THRAP3: variants seen among roughly 807,000 people sequenced by gnomAD.
The protein encoded by THRAP3 is thyroid hormone receptor associated protein 3.
In THRAP3, 16 loss-of-function variants were observed where a neutral mutation model predicts 101.0. The observed-to-expected ratio is 0.16, with a 90% CI of 0.11 to 0.24. The LOEUF (loss-of-function observed/expected upper bound fraction) is 0.24. THRAP3 is among the 10% of genes least tolerant of loss of function. The pLI is 1.00. For synonymous variants in THRAP3, 407 were observed against 422.6 expected (o/e 0.96, Z 0.45); for missense variants, 989 against 1,202.7 (o/e 0.82, Z 2.63).
At chr1:36,220,752 G>A (rs914368380), upstream of THRAP3, among the ~76,000 whole-genome samples, 17 of 151,816 alleles carry the variant, frequency 1.1e-4, no homozygotes, top group African/African-American at 2.9e-4. Context: ...TGAGGAGTTC[G>A]GAACCAGCCT....
chr1:36,227,977 G>A (rs149423458), intron 1 of THRAP3, among the ~76,000 whole-genome samples: 2,118 of 151,944 alleles, frequency 0.014, 52 homozygotes, highest in African/African-American at 0.047. Context: ...CTGGGTTCAA[G>A]CGATTCTCCT....
chr1:36,297,534 C>T (rs943789379), intron 9 of THRAP3, among the ~76,000 whole-genome samples: 2 of 151,026 alleles, frequency 1.3e-5, no homozygotes, highest in African/African-American at 2.4e-5. Context: ...CTGCAACCTC[C>T]GCCTCGCGGG....
At chr1:36,273,959 C>T (rs1170021290) in intron 2 of THRAP3, among the ~76,000 whole-genome samples, 1 of 151,586 alleles carries the variant, frequency 6.6e-6, no homozygotes, top group East Asian at 1.9e-4. Flanking sequence ...AGGAGAATTG[C>T]TTGAACCCAG....
upstream of THRAP3, among the ~76,000 whole-genome samples, chr1:36,220,741 G>C (rs1214404197): frequency 6.6e-5 from 10 of 151,494 alleles, no homozygotes; most frequent in Non-Finnish European, 7.4e-5. Context: ...ATCACCTGAG[G>C]TGAGGAGTTC....
chr1:36,248,606 G>A (rs1645260172), intron 1 of THRAP3, among the ~76,000 whole-genome samples: 1 of 151,702 alleles, frequency 6.6e-6, no homozygotes, highest in South Asian at 2.1e-4. Context: ...TTTTTGTAGA[G>A]ACAGTCTCAT....
At chr1:36,299,660 C>T (rs1646006477) in intron 9 of THRAP3, among the ~76,000 whole-genome samples, 1 of 151,774 alleles carries the variant, frequency 6.6e-6, no homozygotes, top group Admixed American at 6.6e-5. Flanking sequence ...AGATGCTTTC[C>T]ACCACACCCA....
intron 1 of THRAP3, among the ~76,000 whole-genome samples, chr1:36,238,628 G>T (rs773812303): frequency 1.6e-4 from 24 of 152,160 alleles, no homozygotes; most frequent in Non-Finnish European, 3.2e-4. Flanking sequence ...TGATCTCATT[G>T]AATGTAGCTA....
chr1:36,288,872 T>A (rs907285545), intron 4 of THRAP3, 188 bp from the exon 5 acceptor site: 5 of 985,268 alleles, frequency 5.1e-6, no homozygotes, highest in Non-Finnish European at 6.0e-6. Context: ...ATTGGCAAGT[T>A]CATAGAACTG....
intron 2 of THRAP3, among the ~76,000 whole-genome samples, chr1:36,271,117 AAC>A (rs1350716665): frequency 1.3e-5 from 2 of 152,168 alleles, no homozygotes; most frequent in Admixed American, 6.5e-5. Flanking sequence ...AATCACTGAT[AAC>A]AGTTTGCTGT....
intron 11 of THRAP3, among the ~76,000 whole-genome samples, 181 bp from the exon 12 acceptor site, chr1:36,303,615 C>T (rs940446817): frequency 6.6e-6 from 1 of 152,142 alleles, no homozygotes; most frequent in African/African-American, 2.4e-5. Context: ...CTGATATTCT[C>T]ATGGATCTGA....
At chr1:36,221,002 G>A (rs1234103518), upstream of THRAP3, among the ~76,000 whole-genome samples, 4 of 129,360 alleles carry the variant, frequency 3.1e-5, no homozygotes, top group African/African-American at 1.2e-4. Context: ...TATATATAGT[G>A]AGACCTCATC....
At chr1:36,300,702 C>T (rs1179273626) in intron 9 of THRAP3, among the ~76,000 whole-genome samples, 184 bp from the exon 10 acceptor site, 1 of 152,096 alleles carries the variant, frequency 6.6e-6, no homozygotes, top group Non-Finnish European at 1.5e-5. Flanking sequence ...ACATGACTGA[C>T]AGAATTGAGA....
rs772680911 is a variant in THRAP3, at chr1:36,287,076, G to C, written c.846G>C (p.Gln282His). The change falls in exon 4 of 12, where the codon CAG (glutamine) becomes CAC (histidine). Residue 282 changes from glutamine to histidine, a missense_variant. Physicochemically the swap from Gln to His is conservative, Grantham distance 24. Transcript: ENST00000354618. ...GTCCTCCACTTTCCAGCACATCCCA[G>C]ATGGGCTCAACTCTGCCGAGTGGTG... The part of the protein sequence containing the change: ...KPSPPLSSTS[Q>H]MGSTLPSGAG... The C allele has an allele frequency of 1.9e-6, 3 of 1,613,958 alleles. No homozygotes were observed. In the African/African-American group the frequency reaches 4.0e-5, roughly 22 times the overall value.
At chr1:36,292,098 G>A (rs905731309) in intron 6 of THRAP3, among the ~76,000 whole-genome samples, 1 of 151,842 alleles carries the variant, frequency 6.6e-6, no homozygotes, top group Non-Finnish European at 1.5e-5. Context: ...TGGAAATCTA[G>A]TGCCCAATAT....
At chr1:36,271,995 G>T (rs1645598654) in intron 2 of THRAP3, among the ~76,000 whole-genome samples, 1 of 152,134 alleles carries the variant, frequency 6.6e-6, no homozygotes, top group African/African-American at 2.4e-5. Flanking sequence ...TTTCCAAAGT[G>T]CTGGGGTTAC....
chr1:36,278,062 CT>C (rs57646478), intron 2 of THRAP3, among the ~76,000 whole-genome samples: 6,594 of 110,778 alleles, frequency 0.06, 597 homozygotes, highest in African/African-American at 0.2. Context: ...CCCAGCCCCC[CT>C]TTTTTTTTTT....
chr1:36,241,385 GTA>G (rs1166260923), intron 1 of THRAP3, among the ~76,000 whole-genome samples: 308 of 8,586 alleles, frequency 0.036, 3 homozygotes, highest in African/African-American at 0.042. Flanking sequence ...GATAATGGGT[GTA>G]TATATATATA....
intron 1 of THRAP3, among the ~76,000 whole-genome samples, chr1:36,235,688 AGG>A (rs1017902489): frequency 3.7e-4 from 57 of 152,296 alleles, no homozygotes; most frequent in African/African-American, 1.3e-3. Flanking sequence ...ACTTTTCTAG[AGG>A]ACAACACTAT....
At chr1:36,208,636 T>G in the THRAP3 span, among the ~76,000 whole-genome samples, 21 of 152,344 alleles carry the variant, frequency 1.4e-4, 1 homozygote, top group Non-Finnish European at 2.4e-4. Context: ...GTAGTTTTCT[T>G]TTTGGCATGT....
Sources: gnomAD v4.1 joint callset for allele counts (sites outside exome capture counted in the v4.1 genomes callset) on GRCh38, gnomAD v4.1.1 for gene constraint, MANE v1.5 for transcripts, NCBI Gene and HGNC (gene_info 2026-07-23, HGNC 2026-07-21) for gene names.